The following ANKAR variants were observed in gnomAD, a reference collection of about 807,000 sequenced individuals.
The protein encoded by ANKAR is ankyrin and armadillo repeat-containing protein.
Under a neutral mutation model 146.2 loss-of-function variants are expected in ANKAR, and 136 were observed. The observed-to-expected ratio is 0.93, with a 90% CI of 0.81 to 1.07. The LOEUF is 1.07. ANKAR is among the 50% of genes least tolerant of loss of function. ANKAR has a pLI of 0.00. For synonymous variants in ANKAR, 500 were observed against 575.8 expected (o/e 0.87, Z 1.88); for missense variants, 1,567 against 1,679.9 (o/e 0.93, Z 1.18).
chr2:189,713,615 A>C (rs1033887159), intron 10 of ANKAR, among the ~76,000 whole-genome samples: 1 of 152,246 alleles, frequency 6.6e-6, no homozygotes, highest in Non-Finnish European at 1.5e-5. Context: ...TGAAGAAAGC[A>C]CTAAACATGC....
intron 10 of ANKAR, among the ~76,000 whole-genome samples, chr2:189,716,153 C>G (rs1480485373): frequency 2.0e-5 from 3 of 152,182 alleles, no homozygotes; most frequent in Non-Finnish European, 4.4e-5. Flanking sequence ...CAAATTGTCC[C>G]TGTTTGCAGA....
intron 17 of ANKAR, 116 bp downstream of exon 17, chr2:189,733,345 A>G: frequency 1.1e-6 from 1 of 891,302 alleles, no homozygotes; most frequent in Non-Finnish European, 1.6e-6. Flanking sequence ...AAGAAAAGAC[A>G]TGTAAAAGAT....
Position 189,743,373 on chromosome 2 carries a change from C to A in ANKAR, c.3909C>A (p.Phe1303Leu). 6.2e-7 allele frequency: 1 copy of A among 1,613,562 alleles called. No homozygotes were observed. The highest frequency in any genetic ancestry group is 8.5e-7 in the Non-Finnish European group (1 of 1,179,592). The change falls in exon 21 of 23, where the codon TTC becomes TTA. Residue 1303 changes from phenylalanine (F) to leucine (L), a missense_variant. Phe to Leu is a conservative substitution (Grantham distance 22). Transcript: ENST00000684021. ...AATGCAGGAATAAACCTAATCAGTTCATTCGTATAAAAAATAATATCAGCA... is the reference window on the plus strand; with the variant it reads ...AATGCAGGAATAAACCTAATCAGTTAATTCGTATAAAAAATAATATCAGCA... Reference protein sequence around the residue: ...LKECRNKPNQFIRIKNNISRD... With the variant: ...LKECRNKPNQLIRIKNNISRD...
chr2:189,754,472 T>C, intron 18 of ANKAR: 1 of 874,390 alleles, frequency 1.1e-6, no homozygotes. Context: ...ATGCTATACT[T>C]TGGCAAATAT....
downstream of ANKAR, chr2:189,762,649 GC>G (rs757884680): frequency 8.1e-6 from 8 of 985,332 alleles, no homozygotes; most frequent in Non-Finnish European, 8.4e-6. Context: ...GTGCGCAAAA[GC>G]GTCAGTGGGG....
At chr2:189,744,308 T>C (rs1292144042) in intron 21 of ANKAR, among the ~76,000 whole-genome samples, 2 of 152,202 alleles carry the variant, frequency 1.3e-5, no homozygotes, top group Non-Finnish European at 2.9e-5. Flanking sequence ...GGAAGCTAAA[T>C]TGTAACATTA....
chr2:189,692,341 C>G lies in ANKAR; in HGVS notation c.1126C>G (p.Gln376Glu). 1 of 1,612,952 alleles carries G rather than the reference C, an allele frequency of 6.2e-7. No individual in the cohort carries two copies. The highest frequency in any genetic ancestry group is 8.5e-7 in the Non-Finnish European group (1 of 1,179,584). ...KCQNFHYKEN[Q>E]YFHVHGGIEF... Reference sequence around the variant, plus strand: ...CCAGAATTTTCACTACAAAGAGAATCAATATTTTCATGTTCATGGAGGAAT... The same window carrying G: ...CCAGAATTTTCACTACAAAGAGAATGAATATTTTCATGTTCATGGAGGAAT... The change falls in exon 4 of 23, where the codon CAA becomes GAA. Residue 376 changes from glutamine to glutamate, a missense_variant. Physicochemically the swap from Gln to Glu is conservative, Grantham distance 29. Transcript: ENST00000684021.
At chr2:189,712,488 G>A (rs535721862) in intron 10 of ANKAR, among the ~76,000 whole-genome samples, 1 of 152,360 alleles carries the variant, frequency 6.6e-6, no homozygotes, top group East Asian at 1.9e-4. Flanking sequence ...AGGGTCTGGA[G>A]TGGACCTCCA....
At chr2:189,722,608 T>C (rs1314248953) in intron 12 of ANKAR, among the ~76,000 whole-genome samples, 2 of 151,572 alleles carry the variant, frequency 1.3e-5, no homozygotes, top group Non-Finnish European at 2.9e-5. Context: ...TAGCACCGGG[T>C]GTGGTAGCTC....
At chr2:189,725,527 A>G (rs1156698776) in intron 12 of ANKAR, among the ~76,000 whole-genome samples, 5 of 152,162 alleles carry the variant, frequency 3.3e-5, no homozygotes, top group Non-Finnish European at 7.4e-5. Context: ...TTTACTATCT[A>G]TATCTATAGG....
In ANKAR at chr2:189,677,111, C is replaced by G. The variant is rs766090513; in HGVS notation, c.601+20C>G. On this transcript the variant is annotated intron_variant, in intron 2 of 22. Transcript: ENST00000684021. Reference sequence around the variant, plus strand: ...CAGCAGGTAAGAGAATTTAACACTTCTTAAATTTTTTTTTTTTTTTTTTGG... The same window carrying G: ...CAGCAGGTAAGAGAATTTAACACTTGTTAAATTTTTTTTTTTTTTTTTTGG... 1 of 1,412,544 alleles carries G rather than the reference C, an allele frequency of 7.1e-7. No homozygotes were observed. The highest frequency in any genetic ancestry group is 9.2e-7 in the Non-Finnish European group (1 of 1,087,080). 87.5% of individuals were successfully genotyped at this position (1,412,544 alleles called of 1,614,324 possible).
At chr2:189,759,305 A>G (rs1229201421) in intron 18 of ANKAR, among the ~76,000 whole-genome samples, 1 of 151,820 alleles carries the variant, frequency 6.6e-6, no homozygotes, top group African/African-American at 2.4e-5. Context: ...CTGGAGTCCA[A>G]TGGCGCGATC....
chr2:189,707,452 C>CAAAAAAA (rs67227035), intron 9 of ANKAR, among the ~76,000 whole-genome samples: 7 of 72,902 alleles, frequency 9.6e-5, no homozygotes, highest in African/African-American at 2.8e-4. Context: ...TCTCCTTCAT[C>CAAAAAAA]AAAAAAAAAA....
At chr2:189,743,994 C>A (rs2043710934) in intron 21 of ANKAR, among the ~76,000 whole-genome samples, 1 of 152,076 alleles carries the variant, frequency 6.6e-6, no homozygotes, top group Non-Finnish European at 1.5e-5. Context: ...TAACTCCCCC[C>A]AAAAAGGGAG....
chr2:189,754,710 T>C (rs1211495679), intron 18 of ANKAR: 1 of 245,800 alleles, frequency 4.1e-6, no homozygotes, highest in African/African-American at 2.4e-5. Flanking sequence ...TTTGTTTGTT[T>C]TCCTATATAT....
At chr2:189,739,887 T>G (rs1317282341) in intron 19 of ANKAR, among the ~76,000 whole-genome samples, 1 of 152,126 alleles carries the variant, frequency 6.6e-6, no homozygotes, top group Non-Finnish European at 1.5e-5. Context: ...AGGAAAGAAA[T>G]GCCATATTAC....
At chr2:189,754,502 G>C in intron 18 of ANKAR, 8 of 663,974 alleles carry the variant, frequency 1.2e-5, no homozygotes, top group Non-Finnish European at 1.7e-5. Context: ...CTGATATTCA[G>C]GTAAGCAGAC....
chr2:189,753,966 T>C, intron 18 of ANKAR: 1 of 1,613,794 alleles, frequency 6.2e-7, no homozygotes, highest in Non-Finnish European at 8.5e-7. Flanking sequence ...CAAAACAGAA[T>C]AGCCCGATGT....
chr2:189,727,647 T>C (rs2042024585), intron 12 of ANKAR, among the ~76,000 whole-genome samples: 1 of 152,108 alleles, frequency 6.6e-6, no homozygotes, highest in African/African-American at 2.4e-5. Context: ...AAATCTATCT[T>C]CATAAGAAAT....
Sources: allele counts gnomAD v4.1 joint callset (sites outside exome capture counted in the v4.1 genomes callset), GRCh38; gene constraint gnomAD v4.1.1; transcripts MANE v1.5; gene names NCBI Gene and HGNC (gene_info 2026-07-23, HGNC 2026-07-21).